Variants in SEM1 observed in about 807,000 individuals in gnomAD.
The protein encoded by SEM1 is 26S proteasome complex subunit SEM1.
In SEM1, 3 loss-of-function variants were observed where a neutral mutation model predicts 12.7. The ratio of observed to expected loss-of-function variants is 0.24; its 90% confidence interval spans 0.11 to 0.61. The LOEUF is 0.61. Ranked by LOEUF, SEM1 falls within the 20% of genes least tolerant of loss-of-function variation. SEM1 has a pLI of 0.88. For missense variants in SEM1, 59 were observed against 81.3 expected, an observed-to-expected ratio of 0.73 and a Z score of 1.06; for synonymous variants, 30 against 27.8, an observed-to-expected ratio of 1.08 and a Z score of -0.25.
intron 2 of SEM1, among the ~76,000 whole-genome samples, chr7:96,554,876 C>G (rs1056313944): frequency 1.3e-5 from 2 of 149,272 alleles, no homozygotes; most frequent in African/African-American, 4.9e-5. Flanking sequence ...ATTTCAGCTC[C>G]TGTTTATTGG....
At chr7:96,655,751 GTTTGT>G (rs951401753) in intron 2 of SEM1, among the ~76,000 whole-genome samples, 1 of 152,050 alleles carries the variant, frequency 6.6e-6, no homozygotes, top group African/African-American at 2.4e-5. Flanking sequence ...TTCTCACCCT[GTTTGT>G]TTTATGACTA....
At chr7:96,584,506 C>T (rs1191204615) in intron 2 of SEM1, among the ~76,000 whole-genome samples, 4 of 151,962 alleles carry the variant, frequency 2.6e-5, no homozygotes, top group African/African-American at 7.3e-5. Context: ...TGAATCTGAA[C>T]GTTGGCCTGC....
intron 1 of SEM1, among the ~76,000 whole-genome samples, chr7:96,492,585 A>ATTTT (rs59252542): frequency 6.3e-5 from 5 of 79,674 alleles, no homozygotes; most frequent in African/African-American, 1.1e-4. Flanking sequence ...AATTTTTTGT[A>ATTTT]TTTTTTTTTT....
chr7:96,586,039 A>G (rs1218557031), intron 2 of SEM1, among the ~76,000 whole-genome samples: 2 of 152,270 alleles, frequency 1.3e-5, no homozygotes, highest in Non-Finnish European at 2.9e-5. Context: ...AGGTCTTGCT[A>G]TGTTGCCCAG....
At chr7:96,552,782 A>G (rs916299078) in intron 2 of SEM1, among the ~76,000 whole-genome samples, 1 of 152,098 alleles carries the variant, frequency 6.6e-6, no homozygotes, top group African/African-American at 2.4e-5. Flanking sequence ...TGACTTCCAC[A>G]ATGGTTGAAC....
chr7:96,684,221 T>C (rs1789697831), downstream of SEM1, among the ~76,000 whole-genome samples: 1 of 152,122 alleles, frequency 6.6e-6, no homozygotes, highest in African/African-American at 2.4e-5. Flanking sequence ...AGGGAAAGGC[T>C]GGCTTTGTGT....
intron 2 of SEM1, among the ~76,000 whole-genome samples, chr7:96,555,062 AT>A (rs201503298): frequency 0.02 from 3,039 of 150,282 alleles, 92 homozygotes; most frequent in African/African-American, 0.07. Context: ...ATCATTTTTT[AT>A]TGCGTCTATT....
At chr7:96,684,806 G>A (rs370280175), downstream of SEM1, among the ~76,000 whole-genome samples, 8 of 152,044 alleles carry the variant, frequency 5.3e-5, no homozygotes, top group African/African-American at 1.9e-4. Context: ...TGAGATTAGA[G>A]TTTCAGGGAG....
chr7:96,488,179 A>T (rs1369746576), intron 1 of SEM1, among the ~76,000 whole-genome samples: 1 of 152,164 alleles, frequency 6.6e-6, no homozygotes, highest in African/African-American at 2.4e-5. Flanking sequence ...TGAGAGAAGA[A>T]GAAAAATCTG....
intron 1 of SEM1, among the ~76,000 whole-genome samples, chr7:96,699,685 G>C (rs139574421): frequency 6.6e-6 from 1 of 152,038 alleles, no homozygotes; most frequent in Non-Finnish European, 1.5e-5. Flanking sequence ...TTGCTACCTC[G>C]CACTGTACAT....
chr7:96,482,328 C>G (rs1802572389), exon 4 of SEM1: 1 of 152,150 alleles, frequency 6.6e-6, no homozygotes, highest in Admixed American at 6.6e-5. Context: ...TCTGTGTGCT[C>G]TTTAATACAT....
chr7:96,568,216 T>G (rs1308824188), intron 2 of SEM1, among the ~76,000 whole-genome samples: 1 of 148,496 alleles, frequency 6.7e-6, no homozygotes, highest in Non-Finnish European at 1.5e-5. Flanking sequence ...TTTGGTGATT[T>G]AAGTTTCTAG....
At chr7:96,585,979 C>A (rs1806620693) in intron 2 of SEM1, among the ~76,000 whole-genome samples, 1 of 152,084 alleles carries the variant, frequency 6.6e-6, no homozygotes, top group Non-Finnish European at 1.5e-5. Flanking sequence ...TATTACTCAC[C>A]TTTCAATTTT....
intron 2 of SEM1, among the ~76,000 whole-genome samples, chr7:96,533,914 A>C (rs1804713340): frequency 6.6e-6 from 1 of 152,076 alleles, no homozygotes; most frequent in Non-Finnish European, 1.5e-5. Flanking sequence ...AAAAAAATCC[A>C]GTGTAACTTA....
chr7:96,700,471 G>C (rs1790236295), intron 1 of SEM1, among the ~76,000 whole-genome samples: 1 of 152,088 alleles, frequency 6.6e-6, no homozygotes, highest in South Asian at 2.1e-4. Context: ...TTAGCCAAGT[G>C]GTAGTCAGCC....
intron 2 of SEM1, among the ~76,000 whole-genome samples, chr7:96,583,740 CT>C (rs1563071780): frequency 6.6e-6 from 1 of 150,692 alleles, no homozygotes; most frequent in African/African-American, 2.4e-5. Context: ...CCTTCTTTGT[CT>C]TTTTTGATCT....
chr7:96,515,196 G>T (rs1804050808), intron 2 of SEM1, among the ~76,000 whole-genome samples: 1 of 152,038 alleles, frequency 6.6e-6, no homozygotes, highest in Non-Finnish European at 1.5e-5. Flanking sequence ...CATGCAAAAA[G>T]GATATCCACA....
At chr7:96,501,416 CT>C (rs1312306612) in intron 3 of SEM1, among the ~76,000 whole-genome samples, 2 of 151,944 alleles carry the variant, frequency 1.3e-5, no homozygotes, top group Non-Finnish European at 2.9e-5. Flanking sequence ...TTTAGGGCAT[CT>C]TAGTAGTATA....
At position 96,688,982 on chromosome 7, in the gene SEM1, AAG is replaced by A; in HGVS notation, c.171-18_171-17del. The A allele has an allele frequency of 6.7e-7, 1 of 1,491,280 alleles. No individual in the cohort carries two copies. The highest frequency in any genetic ancestry group is 1.1e-5 in the South Asian group (1 of 87,982). 92.4% of individuals were successfully genotyped at this position (1,491,280 alleles called of 1,614,324 possible). ...TAGTTCAGCTCTAAGATAAAACAGA[AAG>A]AACATCACTAGGTATTCTTTATAAT... is the stretch of plus-strand genomic sequence containing the variant. On this transcript the variant is annotated splice_polypyrimidine_tract_variant and intron_variant, in intron 2 of 2. Transcript: ENST00000248566.
Sources: allele counts gnomAD v4.1 joint callset (sites outside exome capture counted in the v4.1 genomes callset), GRCh38; gene constraint gnomAD v4.1.1; transcripts MANE v1.5; gene names NCBI Gene and HGNC (gene_info 2026-07-23, HGNC 2026-07-21).